Variants in FLRT2 observed in about 807,000 individuals in gnomAD.
FLRT2 encodes fibronectin leucine rich transmembrane protein 2.
In FLRT2, 15 loss-of-function variants were observed where a neutral mutation model predicts 40.0. The ratio of observed to expected loss-of-function variants is 0.38; its 90% confidence interval spans 0.25 to 0.58. The LOEUF is 0.58. Ranked by LOEUF, FLRT2 falls within the 20% of genes least tolerant of loss-of-function variation. FLRT2 has a pLI of 0.71. For synonymous variants in FLRT2, 380 were observed against 336.8 expected (o/e 1.13, Z -1.41); for missense variants, 726 against 840.0 (o/e 0.86, Z 1.68).
rs1449787304 is a variant in FLRT2, at chr14:85,631,521, T to A, written c.*8024T>A. The A allele has an allele frequency of 6.6e-6, 1 of 152,152 alleles. No individual in the cohort carries two copies. The highest frequency in any genetic ancestry group is 2.4e-5 in the African/African-American group (1 of 41,430). 9.4% of individuals were successfully genotyped at this position (152,152 alleles called of 1,614,324 possible). ...CCCAGCTACAGGGGAAGAGCCACTC[T>A]GTCAGTTGCTTATGGCCAGATGGCT... is the stretch of plus-strand genomic sequence containing the variant. On this transcript the variant is annotated 3_prime_UTR_variant, in exon 2 of 2. Coordinates refer to ENST00000330753, the MANE Select transcript of FLRT2 (RefSeq NM_013231.6).
At position 85,555,555 on chromosome 14, in the gene FLRT2, T is replaced by C. The variant is rs997152655; in HGVS notation, c.-377+25021T>C. On this transcript the variant is annotated intron_variant, in intron 1 of 1. Coordinates refer to ENST00000330753, the MANE Select transcript of FLRT2 (RefSeq NM_013231.6). ...GAACAGTATGGGGGAAACCACCCCA[T>C]GATTCAATTATCTCCCACCAGGTCC... Among the ~76,000 whole-genome samples, 17 of 152,108 alleles carry C rather than the reference T, an allele frequency of 1.1e-4. 1 individual carries two copies. The highest frequency in any genetic ancestry group is 6.8e-3 in the Middle Eastern group (2 of 294).
At chr14:85,537,956 T>TTGAA (rs1412764967) in intron 1 of FLRT2, among the ~76,000 whole-genome samples, 6 of 152,160 alleles carry the variant, frequency 3.9e-5, no homozygotes, top group Admixed American at 6.5e-5. Context: ...AGTAGCTACT[T>TTGAA]TTTCAGGGAA....
rs558975159 is a variant in FLRT2 at position 85,630,053 on chromosome 14, C to A, written c.*6556C>A. On this transcript the variant is annotated 3_prime_UTR_variant, in exon 2 of 2. Transcript: ENST00000330753. The stretch of plus-strand genomic sequence containing the variant: ...GTTGCTCTAAGTATTTTGTAGATTC[C>A]GCTGAAAAAGCACGTATGTCACAAT... The A allele has an allele frequency of 1.3e-5, 2 of 151,912 alleles. No individual in the cohort carries two copies. Among genetic ancestry groups the A allele is most frequent in the African/African-American group, 4.8e-5 (2 of 41,372 alleles). The allele number at this position is 151,912 out of a possible 1,614,324, so 9.4% of individuals were successfully genotyped here.
At chr14:85,601,599 C>A (rs1595072793) in intron 1 of FLRT2, among the ~76,000 whole-genome samples, 1 of 152,170 alleles carries the variant, frequency 6.6e-6, no homozygotes, top group Non-Finnish European at 1.5e-5. Context: ...TGGGTTTGAA[C>A]CCCATCTTTG....
At position 85,653,812 on chromosome 14, in the gene FLRT2, G is replaced by C. The variant is rs1460352180; in HGVS notation, c.*30315G>C. On this transcript the variant is annotated 3_prime_UTR_variant, in exon 2 of 2. Coordinates refer to ENST00000330753, the MANE Select transcript of FLRT2 (RefSeq NM_013231.6). ...GTGTGTGACTCCTTCTCTGTGTGTTGCTATTAAAGACATTAAGAACTGAGC... is the reference window on the plus strand; with the variant it reads ...GTGTGTGACTCCTTCTCTGTGTGTTCCTATTAAAGACATTAAGAACTGAGC... The C allele has an allele frequency of 6.6e-6, 1 of 152,136 alleles. No individual in the cohort carries two copies. Among genetic ancestry groups the C allele is most frequent in the African/African-American group, 2.4e-5 (1 of 41,444 alleles). 9.4% of individuals were successfully genotyped at this position (152,136 alleles called of 1,614,324 possible).
At chr14:85,618,739 A>G (rs936455177) in intron 1 of FLRT2, among the ~76,000 whole-genome samples, 1 of 152,218 alleles carries the variant, frequency 6.6e-6, no homozygotes, top group African/African-American at 2.4e-5. Context: ...ATGAATGATT[A>G]AATAAGATGT....
At chr14:85,583,930 G>A (rs1354583201) in intron 1 of FLRT2, among the ~76,000 whole-genome samples, 1 of 150,558 alleles carries the variant, frequency 6.6e-6, no homozygotes, top group Non-Finnish European at 1.5e-5. Context: ...TTTGAAGCCA[G>A]CCTGGGCAAT....
At position 85,626,606 on chromosome 14, in the gene FLRT2, G is replaced by C. The variant is rs964828558; in HGVS notation, c.*3109G>C. On this transcript the variant is annotated 3_prime_UTR_variant, in exon 2 of 2. Coordinates refer to ENST00000330753, the MANE Select transcript of FLRT2 (RefSeq NM_013231.6). ...TTGGGGAGATATGTTTGATTATAGAGAGACTCTGGGCCACCCTCAAACACC... is the reference window on the plus strand; with the variant it reads ...TTGGGGAGATATGTTTGATTATAGACAGACTCTGGGCCACCCTCAAACACC... The C allele has an allele frequency of 4.8e-5, 8 of 167,206 alleles. No homozygotes were observed. The highest frequency in any genetic ancestry group is 4.6e-4 in the Admixed American group (7 of 15,296). 10.4% of individuals were successfully genotyped at this position (167,206 alleles called of 1,614,324 possible). A position where few individuals can be genotyped will look rare whatever the true frequency, so the allele number is the denominator to read the frequency against.
intron 1 of FLRT2, among the ~76,000 whole-genome samples, chr14:85,591,350 A>G (rs1423028919): frequency 6.6e-6 from 1 of 152,188 alleles, no homozygotes; most frequent in East Asian, 1.9e-4. Flanking sequence ...AGGATTGGGT[A>G]AATACAAAAC....
rs184279561 is a variant in FLRT2, at chr14:85,645,285, T to A, written c.*21788T>A. Reference sequence around the variant, plus strand: ...ATGTATACATGTGTATATATGTATATACATATATGTATATAGAAGTATATA... The same window carrying A: ...ATGTATACATGTGTATATATGTATAAACATATATGTATATAGAAGTATATA... On this transcript the variant is annotated 3_prime_UTR_variant, in exon 2 of 2. Transcript: ENST00000330753. 6.7e-6 allele frequency: 1 copy of A among 149,210 alleles called. No homozygotes were observed. Among genetic ancestry groups the A allele is most frequent in the African/African-American group, 2.5e-5 (1 of 39,840 alleles). The allele number at this position is 149,210 out of a possible 1,614,324, so 9.2% of individuals were successfully genotyped here.
At chr14:85,547,900 A>T (rs1889374129) in intron 1 of FLRT2, among the ~76,000 whole-genome samples, 2 of 152,218 alleles carry the variant, frequency 1.3e-5, no homozygotes, top group Admixed American at 6.5e-5. Flanking sequence ...GGGGGCTTTC[A>T]GATCATAGGT....
At chr14:85,605,596 C>T (rs1230857970) in intron 1 of FLRT2, among the ~76,000 whole-genome samples, 4 of 151,964 alleles carry the variant, frequency 2.6e-5, no homozygotes, top group African/African-American at 4.8e-5. Context: ...CGGTGAAACC[C>T]CGTCTCTACT....
chr14:85,611,690 C>T (rs1283720732), intron 1 of FLRT2, among the ~76,000 whole-genome samples: 1 of 152,106 alleles, frequency 6.6e-6, no homozygotes, highest in Non-Finnish European at 1.5e-5. Context: ...AATGAATAAC[C>T]CACTGTCATT....
At chr14:85,530,674 T>C (rs1301048590) in intron 1 of FLRT2, 140 bp downstream of exon 1, 1 of 152,194 alleles carries the variant, frequency 6.6e-6, no homozygotes, top group Non-Finnish European at 1.5e-5. Flanking sequence ...TGCTCTAGGC[T>C]TTGTCTTTCA....
intron 1 of FLRT2, among the ~76,000 whole-genome samples, chr14:85,553,204 T>G (rs1424698486): frequency 6.6e-6 from 1 of 152,160 alleles, no homozygotes; most frequent in Non-Finnish European, 1.5e-5. Context: ...AAAGAGCAAA[T>G]AATTTAGTGT....
chr14:85,613,200 C>T (rs1282664053), intron 1 of FLRT2, among the ~76,000 whole-genome samples: 1 of 151,934 alleles, frequency 6.6e-6, no homozygotes, highest in Non-Finnish European at 1.5e-5. Flanking sequence ...TGATAGATCA[C>T]GAATACTTAG....
intron 1 of FLRT2, among the ~76,000 whole-genome samples, chr14:85,535,197 A>G (rs528791264): frequency 1.3e-5 from 2 of 152,126 alleles, no homozygotes; most frequent in African/African-American, 4.8e-5. Flanking sequence ...GGCGCTTTGG[A>G]GCATGTCCAC....
At chr14:85,549,416 C>A (rs531005267) in intron 1 of FLRT2, among the ~76,000 whole-genome samples, 1 of 152,304 alleles carries the variant, frequency 6.6e-6, no homozygotes, top group South Asian at 2.1e-4. Context: ...TGTGTGCTAC[C>A]CTGCCCATGA....
At chr14:85,599,767 A>C (rs1185566250) in intron 1 of FLRT2, among the ~76,000 whole-genome samples, 1 of 151,802 alleles carries the variant, frequency 6.6e-6, no homozygotes, top group Admixed American at 6.6e-5. Flanking sequence ...GTTGATTAAC[A>C]AATTATACGT....
Sources: allele counts gnomAD v4.1 joint callset (sites outside exome capture counted in the v4.1 genomes callset), GRCh38; gene constraint gnomAD v4.1.1; transcripts MANE v1.5; gene names NCBI Gene and HGNC (gene_info 2026-07-23, HGNC 2026-07-21).